Variants in DTWD2 observed in about 807,000 individuals in gnomAD.
The protein encoded by DTWD2 is tRNA-uridine aminocarboxypropyltransferase 2.
DTWD2 carries 39 observed loss-of-function variants against 31.8 expected under a neutral mutation model. The observed-to-expected ratio is 1.22, with a 90% CI of 0.95 to 1.60. The LOEUF (loss-of-function observed/expected upper bound fraction) is 1.60, where lower values mean the gene tolerates loss of function less well. DTWD2 is among the 40% of genes most tolerant of loss of function. The pLI is 0.00. For missense variants in DTWD2, 515 were observed against 381.5 expected, an observed-to-expected ratio of 1.35 and a Z score of -2.92; for synonymous variants, 180 against 142.8, an observed-to-expected ratio of 1.26 and a Z score of -1.86.
At chr5:118,963,027 A>T (rs906168410) in intron 1 of DTWD2, among the ~76,000 whole-genome samples, 1 of 152,266 alleles carries the variant, frequency 6.6e-6, no homozygotes. Context: ...GAGATAAATA[A>T]ACAAACGTGA....
intron 4 of DTWD2, among the ~76,000 whole-genome samples, chr5:118,926,472 T>C (rs1753811090): frequency 6.6e-6 from 1 of 152,182 alleles, no homozygotes. Context: ...CACTAAAATC[T>C]CAGAATTCAC....
chr5:118,901,402 T>A (rs1561448208), intron 4 of DTWD2, among the ~76,000 whole-genome samples: 1 of 152,180 alleles, frequency 6.6e-6, no homozygotes, highest in Non-Finnish European at 1.5e-5. Flanking sequence ...CAATACAGTT[T>A]CACAATCTCT....
chr5:118,985,507 T>TACACACAC (rs1554072606), intron 1 of DTWD2, among the ~76,000 whole-genome samples: 1 of 122,354 alleles, frequency 8.2e-6, no homozygotes, highest in Non-Finnish European at 1.7e-5. Flanking sequence ...TATATATATA[T>TACACACAC]ATATATATAT....
intron 4 of DTWD2, among the ~76,000 whole-genome samples, chr5:118,896,391 T>C (rs200996420): frequency 4.6e-5 from 7 of 152,126 alleles, no homozygotes; most frequent in East Asian, 1.9e-4. Context: ...AGATTTTTCA[T>C]TTTCAGATGA....
intron 4 of DTWD2, among the ~76,000 whole-genome samples, chr5:118,876,611 G>A (rs1348507695): frequency 3.9e-5 from 6 of 152,158 alleles, no homozygotes; most frequent in African/African-American, 1.4e-4. Context: ...ACACCTCTAT[G>A]CACATAAACT....
At chr5:118,910,028 C>T (rs1753422818) in intron 4 of DTWD2, among the ~76,000 whole-genome samples, 1 of 152,158 alleles carries the variant, frequency 6.6e-6, no homozygotes, top group Admixed American at 6.5e-5. Context: ...TGGTGAACAG[C>T]ACCTGGCTTC....
At chr5:118,958,702 A>C (rs1029075907) in intron 1 of DTWD2, among the ~76,000 whole-genome samples, 2 of 152,194 alleles carry the variant, frequency 1.3e-5, no homozygotes, top group Non-Finnish European at 2.9e-5. Flanking sequence ...AATCCTCAAA[A>C]AAAATTAGCA....
At chr5:118,951,590 T>G (rs1339314671) in intron 1 of DTWD2, among the ~76,000 whole-genome samples, 2 of 152,196 alleles carry the variant, frequency 1.3e-5, no homozygotes, top group Non-Finnish European at 2.9e-5. Context: ...AAGTTTGTAT[T>G]GGGGTCAAGC....
intron 4 of DTWD2, among the ~76,000 whole-genome samples, chr5:118,898,635 G>C (rs1753136023): frequency 6.8e-6 from 1 of 147,672 alleles, no homozygotes; most frequent in African/African-American, 2.5e-5. Context: ...CTCCTGCCTG[G>C]GCAACAAAGT....
At chr5:118,878,100 C>A (rs1229969063) in intron 4 of DTWD2, among the ~76,000 whole-genome samples, 1 of 152,072 alleles carries the variant, frequency 6.6e-6, no homozygotes, top group South Asian at 2.1e-4. Flanking sequence ...GTAATTTATA[C>A]ATTCAATGCT....
chr5:118,882,592 C>T (rs1414165997), intron 4 of DTWD2, among the ~76,000 whole-genome samples: 2 of 152,270 alleles, frequency 1.3e-5, no homozygotes, highest in Admixed American at 1.3e-4. Context: ...CGTTTCCATA[C>T]ATCCTTTGAA....
intron 1 of DTWD2, among the ~76,000 whole-genome samples, chr5:118,975,600 A>C (rs756949270): frequency 1.3e-5 from 2 of 152,134 alleles, no homozygotes; most frequent in Non-Finnish European, 2.9e-5. Flanking sequence ...TTGGAGGACA[A>C]GAGGCATTCT....
Position 118,955,847 on chromosome 5 carries a change from G to A in DTWD2, c.219-11198C>T, listed in dbSNP as rs1754573074. 3.3e-5 allele frequency among the ~76,000 whole-genome samples: 5 copies of A among 150,776 alleles called. No homozygotes were observed. In the South Asian group the frequency reaches 8.4e-4, roughly 25 times the overall value. On this transcript the variant is annotated intron_variant, in intron 1 of 5. Coordinates refer to ENST00000510708, the MANE Select transcript of DTWD2 (RefSeq NM_173666.4). ...TTCCTATGAACTATTATACTTGACAGGCAAAAAATATCACATAACTATATA... is the reference window on the plus strand; with the variant it reads ...TTCCTATGAACTATTATACTTGACAAGCAAAAAATATCACATAACTATATA...
At chr5:118,915,676 A>T (rs1261843633) in intron 4 of DTWD2, among the ~76,000 whole-genome samples, 4 of 152,186 alleles carry the variant, frequency 2.6e-5, no homozygotes, top group African/African-American at 7.2e-5. Flanking sequence ...GCCCGGCCTA[A>T]TCTTTGAAAT....
At position 118,841,359 on chromosome 5, in the gene DTWD2, T is replaced by C. The variant is rs558487642; in HGVS notation, c.727-272A>G. ...GTAATAAAGTCTGGCATTAGTTTTA[T>C]ACATTATTCAAACACCACAAAAAAT... On this transcript the variant is annotated intron_variant, in intron 5 of 5. Coordinates refer to ENST00000510708, the MANE Select transcript of DTWD2 (RefSeq NM_173666.4). 3.3e-5 allele frequency among the ~76,000 whole-genome samples: 5 copies of C among 152,342 alleles called. No individual in the cohort carries two copies. The South Asian group carries it at 6.2e-4, about 19-fold the overall frequency.
Position 118,878,708 on chromosome 5 carries a change from T to C in DTWD2, c.598-30490A>G, listed in dbSNP as rs147509357. On this transcript the variant is annotated intron_variant, in intron 4 of 5. Transcript: ENST00000510708. ...AGTTTCTGCATAGTAAAAGAAACTA[T>C]CATCAGAGCAAACAGACAATCTACA... Among the ~76,000 whole-genome samples, 21 of 152,218 alleles carry C rather than the reference T, an allele frequency of 1.4e-4. 1 individual carries two copies. The highest frequency in any genetic ancestry group is 4.8e-4 in the African/African-American group (20 of 41,536).
At chr5:118,865,054 T>A (rs968998669) in intron 4 of DTWD2, among the ~76,000 whole-genome samples, 1 of 152,120 alleles carries the variant, frequency 6.6e-6, no homozygotes, top group Admixed American at 6.5e-5. Context: ...GAGCATATAA[T>A]GTACATGGCT....
rs996095656 is a variant in DTWD2, at chr5:118,860,424, C to T, written c.598-12206G>A. On this transcript the variant is annotated intron_variant, in intron 4 of 5. Coordinates refer to ENST00000510708, the MANE Select transcript of DTWD2 (RefSeq NM_173666.4). ...ATAATACTTGATTGTATAGCTATAC[C>T]ATAGTTTATTCAAACAGTCCACATT... 2.0e-5 allele frequency among the ~76,000 whole-genome samples: 3 copies of T among 150,898 alleles called. No homozygotes were observed. In the South Asian group the frequency reaches 6.4e-4, roughly 32 times the overall value.
intron 4 of DTWD2, among the ~76,000 whole-genome samples, chr5:118,851,749 T>G: frequency 6.7e-6 from 1 of 148,426 alleles, no homozygotes. Context: ...AAATGATGAG[T>G]TACTGGGTGC....
Sources: gnomAD v4.1 joint callset for allele counts (sites outside exome capture counted in the v4.1 genomes callset) on GRCh38, gnomAD v4.1.1 for gene constraint, MANE v1.5 for transcripts, NCBI Gene and HGNC (gene_info 2026-07-23, HGNC 2026-07-21) for gene names.